SMIM13: variants seen among roughly 807,000 people sequenced by gnomAD.
The protein encoded by SMIM13 is UPF0766 protein C6orf228.
SMIM13 carries 3 observed loss-of-function variants against 5.9 expected under a neutral mutation model. That is an observed-to-expected ratio of 0.51 (90% CI 0.23 to 1.31). The LOEUF is 1.31. Among genes scored for constraint, SMIM13 ranks in the 40% most tolerant of loss-of-function variants. The pLI, the probability that SMIM13 is intolerant of heterozygous loss-of-function variation, is 0.18. For synonymous variants in SMIM13, 55 were observed against 46.0 expected, an observed-to-expected ratio of 1.19 and a Z score of -0.79; for missense variants, 85 against 109.9, an observed-to-expected ratio of 0.77 and a Z score of 1.01.
intron 1 of SMIM13, among the ~76,000 whole-genome samples, chr6:11,129,584 T>C (rs1483537462): frequency 1.3e-5 from 2 of 152,190 alleles, no homozygotes; most frequent in Admixed American, 1.3e-4. Context: ...TAAATCTGTT[T>C]TTAGTTTTTT....
intron 1 of SMIM13, among the ~76,000 whole-genome samples, chr6:11,096,198 G>A (rs1414103958): frequency 6.6e-6 from 1 of 152,232 alleles, no homozygotes; most frequent in East Asian, 1.9e-4. Context: ...AGACGGAGCA[G>A]GGATGGTTTT....
intron 1 of SMIM13, among the ~76,000 whole-genome samples, chr6:11,121,675 C>T (rs1169036162): frequency 6.6e-6 from 1 of 152,210 alleles, no homozygotes; most frequent in Non-Finnish European, 1.5e-5. Flanking sequence ...CATAACTTTG[C>T]ACTTGTCTTC....
intron 1 of SMIM13, among the ~76,000 whole-genome samples, chr6:11,132,280 C>T (rs959572171): frequency 3.9e-5 from 6 of 151,988 alleles, no homozygotes; most frequent in South Asian, 2.1e-4. Context: ...AAAGTGTTGG[C>T]GAGGATGTAG....
chr6:11,104,806 G>C, intron 1 of SMIM13: 1 of 1,614,238 alleles, frequency 6.2e-7, no homozygotes, highest in Non-Finnish European at 8.5e-7. Flanking sequence ...AATCTTGGTT[G>C]ATGGCGGAAT....
intron 1 of SMIM13, among the ~76,000 whole-genome samples, chr6:11,107,310 T>C (rs940144678): frequency 6.6e-6 from 1 of 152,248 alleles, no homozygotes; most frequent in Non-Finnish European, 1.5e-5. Context: ...CTTGGTACTT[T>C]AGGAGTCTGT....
intron 1 of SMIM13, among the ~76,000 whole-genome samples, chr6:11,101,763 C>T (rs1448030426): frequency 7.1e-6 from 1 of 140,930 alleles, no homozygotes; most frequent in Non-Finnish European, 1.5e-5. Flanking sequence ...TTTTTTGAGA[C>T]AGAGTCTCAT....
chr6:11,117,233 G>A (rs1267704234), intron 1 of SMIM13, among the ~76,000 whole-genome samples: 10 of 143,946 alleles, frequency 6.9e-5, no homozygotes, highest in Non-Finnish European at 1.1e-4. Context: ...GCGGGATCTC[G>A]GCTCACTGCA....
chr6:11,112,371 A>C (rs577354150), intron 1 of SMIM13, among the ~76,000 whole-genome samples: 14 of 151,298 alleles, frequency 9.3e-5, no homozygotes, highest in Non-Finnish European at 1.9e-4. Context: ...TGTGCCTCAG[A>C]CTCCTGAATA....
At chr6:11,106,458 C>T (rs28799673) in intron 1 of SMIM13, among the ~76,000 whole-genome samples, 9 of 152,340 alleles carry the variant, frequency 5.9e-5, no homozygotes, top group African/African-American at 2.2e-4. Context: ...GTCCCTCCCC[C>T]ACTGAACACT....
chr6:11,125,625 C>T (rs556734743), intron 1 of SMIM13, among the ~76,000 whole-genome samples: 4 of 152,086 alleles, frequency 2.6e-5, no homozygotes, highest in African/African-American at 4.8e-5. Context: ...AAAACAACAA[C>T]AACAACAACA....
At chr6:11,104,441 T>C (rs184878901) in intron 1 of SMIM13, 2 of 1,551,698 alleles carry the variant, frequency 1.3e-6, no homozygotes, top group South Asian at 2.4e-5. Flanking sequence ...TTTTAAGGCA[T>C]GTAGAGATAT....
At chr6:11,116,570 T>C (rs1019772200) in intron 1 of SMIM13, among the ~76,000 whole-genome samples, 1 of 152,256 alleles carries the variant, frequency 6.6e-6, no homozygotes, top group African/African-American at 2.4e-5. Context: ...CTGTTTCTTC[T>C]TGAATGAGCT....
rs1758526694 is a variant in SMIM13, at chr6:11,137,170, C to T, written c.*2568C>T. ...TAATTTTAAGAAATACTCTATTTAA[C>T]TTGTGAAATATACCTAAAAGCATAC... On this transcript the variant is annotated 3_prime_UTR_variant, in exon 2 of 2. Coordinates refer to ENST00000416247, the MANE Select transcript of SMIM13 (RefSeq NM_001135575.2). 1 of 152,192 alleles carries T rather than the reference C, an allele frequency of 6.6e-6. No individual in the cohort carries two copies. Among genetic ancestry groups the T allele is most frequent in the East Asian group, 1.9e-4 (1 of 5,174 alleles). The allele number at this position is 152,192 out of a possible 1,614,324, so 9.4% of individuals were successfully genotyped here.
chr6:11,097,184 T>G (rs1757936757), intron 1 of SMIM13, among the ~76,000 whole-genome samples: 1 of 152,124 alleles, frequency 6.6e-6, no homozygotes, highest in Non-Finnish European at 1.5e-5. Flanking sequence ...AAGTCAGAGA[T>G]CAGCAGGGTT....
At chr6:11,104,277 A>C in intron 1 of SMIM13, 2 of 1,551,702 alleles carry the variant, frequency 1.3e-6, no homozygotes, top group Non-Finnish European at 1.7e-6. Context: ...CACCCTGGGC[A>C]ACGGGGAATT....
intron 1 of SMIM13, among the ~76,000 whole-genome samples, chr6:11,106,333 G>A (rs996052063): frequency 6.6e-6 from 1 of 152,244 alleles, no homozygotes; most frequent in Non-Finnish European, 1.5e-5. Context: ...GTCCTCCGCA[G>A]GGTATGTACC....
intron 1 of SMIM13, among the ~76,000 whole-genome samples, chr6:11,132,561 TA>T (rs1758464301): frequency 6.6e-6 from 1 of 152,176 alleles, no homozygotes; most frequent in African/African-American, 2.4e-5. Context: ...CAGAATGTAA[TA>T]TATACATAAA....
intron 1 of SMIM13, chr6:11,105,107 T>C (rs773466035): frequency 6.2e-7 from 1 of 1,614,248 alleles, no homozygotes; most frequent in African/African-American, 1.3e-5. Flanking sequence ...ATTCCGCCTC[T>C]ATGCTTGTCC....
intron 1 of SMIM13, chr6:11,105,522 G>A: frequency 1.9e-6 from 1 of 534,770 alleles, no homozygotes; most frequent in Admixed American, 3.3e-5. Flanking sequence ...TGCCTTGCAA[G>A]TGTATTCCGG....
Sources: gnomAD v4.1 joint callset for allele counts (sites outside exome capture counted in the v4.1 genomes callset) on GRCh38, gnomAD v4.1.1 for gene constraint, MANE v1.5 for transcripts, NCBI Gene and HGNC (gene_info 2026-07-23, HGNC 2026-07-21) for gene names.